FANK1: variants seen among roughly 807,000 people sequenced by gnomAD.
FANK1 encodes the protein fibronectin type 3 and ankyrin repeat domains protein 1.
In FANK1, 44 loss-of-function variants were observed where a neutral mutation model predicts 45.3. The ratio of observed to expected loss-of-function variants is 0.97; its 90% confidence interval spans 0.76 to 1.25. The LOEUF is 1.25. Ranked by LOEUF, FANK1 falls within the 50% of genes most tolerant of loss-of-function variation. FANK1 has a pLI of 0.00. For synonymous variants in FANK1, 149 were observed against 152.5 expected, an observed-to-expected ratio of 0.98 and a Z score of 0.17; for missense variants, 391 against 424.4, an observed-to-expected ratio of 0.92 and a Z score of 0.69.
intron 1 of FANK1, among the ~76,000 whole-genome samples, chr10:125,943,143 C>T (rs1948562336): frequency 6.6e-6 from 1 of 152,056 alleles, no homozygotes; most frequent in Non-Finnish European, 1.5e-5. Context: ...AGAATAATTT[C>T]TATTAATTTC....
At chr10:125,901,382 A>G (rs1945023512) in intron 1 of FANK1, among the ~76,000 whole-genome samples, 1 of 152,202 alleles carries the variant, frequency 6.6e-6, no homozygotes, top group Non-Finnish European at 1.5e-5. Context: ...CATGCCGTGT[A>G]AGTTATGATT....
rs1272001213 is a variant in FANK1 at position 125,948,511 on chromosome 10, A to G, written c.14-31650A>G. Among the ~76,000 whole-genome samples, 4 of 152,244 alleles carry G rather than the reference A, an allele frequency of 2.6e-5. No individual in the cohort carries two copies. In the East Asian group the frequency reaches 7.7e-4, roughly 29 times the overall value. ...TCTACGCAAATAAATTAGAAAATCT[A>G]GAAGAAATGGATAAATTCCTCAACA... On this transcript the variant is annotated intron_variant, in intron 1 of 10. Transcript: ENST00000368693.
intron 1 of FANK1, among the ~76,000 whole-genome samples, chr10:125,900,943 C>T (rs199633280): frequency 6.6e-6 from 1 of 152,114 alleles, no homozygotes; most frequent in African/African-American, 2.4e-5. Flanking sequence ...TGCCACTGTG[C>T]CCAGCCTTTT....
intron 6 of FANK1, chr10:126,004,563 T>C: frequency 3.9e-6 from 1 of 254,090 alleles, no homozygotes; most frequent in Non-Finnish European, 7.8e-6. Context: ...CACCTGCTAG[T>C]TCTGTCTTGC....
intron 1 of FANK1, among the ~76,000 whole-genome samples, chr10:125,936,975 G>A (rs1005009080): frequency 6.6e-5 from 10 of 152,024 alleles, no homozygotes; most frequent in Non-Finnish European, 1.2e-4. Context: ...GCTGAGGCAG[G>A]ATAATCGCTT....
At chr10:125,990,404 G>A (rs1326147080) in intron 3 of FANK1, among the ~76,000 whole-genome samples, 1 of 152,206 alleles carries the variant, frequency 6.6e-6, no homozygotes, top group African/African-American at 2.4e-5. Context: ...TTTAAAAAAA[G>A]AAGATCCTTG....
rs370635711 is a variant in FANK1 at position 125,989,713 on chromosome 10, C to G, written c.316+1038C>G. 5.1e-4 allele frequency among the ~76,000 whole-genome samples: 78 copies of G among 152,294 alleles called. 1 individual carries two copies. The South Asian group carries it at 7.1e-3, about 14-fold the overall frequency. On this transcript the variant is annotated intron_variant, in intron 3 of 10. Transcript: ENST00000368693. ...AAAAAAGAGGGCTCGTTCCTTCATC[C>G]GACAGTGTTGAGAACATTTGCTGTA...
intron 2 of FANK1, among the ~76,000 whole-genome samples, chr10:125,984,444 C>A (rs1951426207): frequency 6.6e-6 from 1 of 152,170 alleles, no homozygotes; most frequent in South Asian, 2.1e-4. Flanking sequence ...CCTTGTGTCT[C>A]TGAACAACAA....
At chr10:125,936,962 G>A (rs1948140320) in intron 1 of FANK1, among the ~76,000 whole-genome samples, 1 of 152,060 alleles carries the variant, frequency 6.6e-6, no homozygotes, top group Non-Finnish European at 1.5e-5. Context: ...AGCTACTCCG[G>A]AGGCTGAGGC....
At chr10:125,925,222 C>T (rs1040410347) in intron 1 of FANK1, among the ~76,000 whole-genome samples, 4 of 152,246 alleles carry the variant, frequency 2.6e-5, no homozygotes, top group African/African-American at 9.7e-5. Context: ...TCTGTCTCCT[C>T]ATCTGTCAAC....
intron 1 of FANK1, among the ~76,000 whole-genome samples, chr10:125,930,267 C>G (rs1947660883): frequency 6.6e-6 from 1 of 152,030 alleles, no homozygotes; most frequent in Non-Finnish European, 1.5e-5. Flanking sequence ...CTCCTGATCT[C>G]AGGTGACCCG....
At chr10:125,980,649 G>A (rs999080609) in intron 2 of FANK1, 2 of 296,338 alleles carry the variant, frequency 6.7e-6, no homozygotes, top group Non-Finnish European at 1.3e-5. Flanking sequence ...CCATCAGGCT[G>A]TTGTGTTCAC....
At chr10:125,972,731 A>G (rs1290199173) in intron 1 of FANK1, 4 of 151,734 alleles carry the variant, frequency 2.6e-5, no homozygotes, top group Non-Finnish European at 1.5e-5. Flanking sequence ...TGGGGCGTAC[A>G]CTAACCATTG....
chr10:126,000,740 T>A (rs1418136904), intron 6 of FANK1, among the ~76,000 whole-genome samples: 1 of 152,146 alleles, frequency 6.6e-6, no homozygotes, highest in Non-Finnish European at 1.5e-5. Context: ...AATTACAATG[T>A]TAAGGACATT....
chr10:125,919,359 C>T (rs1946768019), intron 1 of FANK1, among the ~76,000 whole-genome samples: 1 of 151,750 alleles, frequency 6.6e-6, no homozygotes, highest in African/African-American at 2.4e-5. Flanking sequence ...GCACACACCA[C>T]CACACCCGGC....
intron 1 of FANK1, among the ~76,000 whole-genome samples, chr10:125,904,797 A>G (rs1266852922): frequency 6.6e-6 from 1 of 152,146 alleles, no homozygotes; most frequent in Non-Finnish European, 1.5e-5. Flanking sequence ...ATCTCAAAAA[A>G]TGAGCATGGC....
intron 1 of FANK1, among the ~76,000 whole-genome samples, chr10:125,914,292 T>TATATATATATA (rs58995936): frequency 2.0e-5 from 3 of 150,786 alleles, no homozygotes; most frequent in Admixed American, 6.6e-5. Flanking sequence ...TATATATATA[T>TATATATATATA]TTAAAAAGTC....
intron 2 of FANK1, among the ~76,000 whole-genome samples, chr10:125,984,630 C>A (rs551933279): frequency 6.6e-6 from 1 of 152,276 alleles, no homozygotes; most frequent in Admixed American, 6.5e-5. Flanking sequence ...GTTGGAGAGA[C>A]AGACTCCAGA....
intron 1 of FANK1, among the ~76,000 whole-genome samples, chr10:125,907,218 T>C (rs1285864139): frequency 2.0e-5 from 3 of 152,208 alleles, no homozygotes; most frequent in Admixed American, 6.5e-5. Context: ...TAAAACAAAC[T>C]CTTTTTAGTA....
Sources: allele counts gnomAD v4.1 joint callset (sites outside exome capture counted in the v4.1 genomes callset), GRCh38; gene constraint gnomAD v4.1.1; transcripts MANE v1.5; gene names NCBI Gene and HGNC (gene_info 2026-07-23, HGNC 2026-07-21).